Variants in VOPP1 observed in about 807,000 individuals in gnomAD.
The protein encoded by VOPP1 is WW domain binding protein VOPP1.
A neutral mutation model predicts 23.5 loss-of-function variants in VOPP1; 8 were observed. That is an observed-to-expected ratio of 0.34 (90% CI 0.20 to 0.61). The LOEUF (loss-of-function observed/expected upper bound fraction) is 0.61, where lower values mean the gene tolerates loss of function less well. Ranked by LOEUF, VOPP1 falls within the 20% of genes least tolerant of loss-of-function variation. The pLI, the probability that VOPP1 is intolerant of heterozygous loss-of-function variation, is 0.78. For missense variants in VOPP1, 174 were observed against 238.1 expected (o/e 0.73, Z 1.77); for synonymous variants, 83 against 97.3 (o/e 0.85, Z 0.86).
At chr7:55,486,875 A>C (rs1793181943) in intron 4 of VOPP1, among the ~76,000 whole-genome samples, 1 of 152,016 alleles carries the variant, frequency 6.6e-6, no homozygotes, top group Non-Finnish European at 1.5e-5. Flanking sequence ...AATGCAACAG[A>C]CCCTTACAAA....
In VOPP1 at chr7:55,522,640, C is replaced by T. The variant is rs143320389; in HGVS notation, c.55-1510G>A. On this transcript the variant is annotated intron_variant, in intron 1 of 4. Coordinates refer to ENST00000285279, the MANE Select transcript of VOPP1 (RefSeq NM_030796.5). Reference sequence around the variant, plus strand: ...AGCCAAACATTCCTGGAACCTGACACTTAAGTTCCACACAATCAAGAGGTG... The same window carrying T: ...AGCCAAACATTCCTGGAACCTGACATTTAAGTTCCACACAATCAAGAGGTG... Among the ~76,000 whole-genome samples, 3 of 152,338 alleles carry T rather than the reference C, an allele frequency of 2.0e-5. No homozygotes were observed. The East Asian group carries it at 5.8e-4, about 29-fold the overall frequency.
At chr7:55,556,371 G>C (rs1797803560) in intron 1 of VOPP1, among the ~76,000 whole-genome samples, 1 of 152,132 alleles carries the variant, frequency 6.6e-6, no homozygotes, top group Non-Finnish European at 1.5e-5. Flanking sequence ...TCCACTTCTG[G>C]ATTCCATGAG....
At chr7:55,462,320 T>C (rs1321784450) in intron 4 of VOPP1, among the ~76,000 whole-genome samples, 1 of 152,176 alleles carries the variant, frequency 6.6e-6, no homozygotes, top group East Asian at 1.9e-4. Context: ...CAAGTGATAA[T>C]ATACCTTGGG....
intron 4 of VOPP1, among the ~76,000 whole-genome samples, chr7:55,448,753 G>C (rs1476974043): frequency 6.6e-6 from 1 of 152,254 alleles, no homozygotes; most frequent in Non-Finnish European, 1.5e-5. Context: ...CGCGGCCCCA[G>C]CTCGCTGCCA....
intron 4 of VOPP1, among the ~76,000 whole-genome samples, chr7:55,442,740 G>A (rs977352009): frequency 7.9e-5 from 12 of 152,252 alleles, no homozygotes; most frequent in African/African-American, 2.9e-4. Flanking sequence ...GGAACATGCT[G>A]GAAAATACCA....
chr7:55,554,348 T>C (rs548018757), intron 1 of VOPP1, among the ~76,000 whole-genome samples: 7 of 152,254 alleles, frequency 4.6e-5, no homozygotes, highest in African/African-American at 1.7e-4. Context: ...GGGAACTAAC[T>C]TGAGGGTGGC....
intron 1 of VOPP1, among the ~76,000 whole-genome samples, chr7:55,538,877 G>C (rs1224405239): frequency 6.6e-6 from 1 of 151,348 alleles, no homozygotes; most frequent in African/African-American, 2.4e-5. Context: ...GATCCCATCT[G>C]TGTACTTTTA....
chr7:55,544,660 T>C (rs1385435834), intron 1 of VOPP1, among the ~76,000 whole-genome samples: 3 of 152,222 alleles, frequency 2.0e-5, no homozygotes, highest in Non-Finnish European at 4.4e-5. Context: ...CTGACGAATG[T>C]AATCTAACAT....
chr7:55,440,275 G>A (rs761704569), intron 4 of VOPP1, among the ~76,000 whole-genome samples: 17 of 152,212 alleles, frequency 1.1e-4, no homozygotes, highest in Admixed American at 6.5e-4. Flanking sequence ...TGTCTGTGAA[G>A]CATGATCTGG....
chr7:55,549,621 C>T (rs1164188064), intron 1 of VOPP1, among the ~76,000 whole-genome samples: 1 of 152,186 alleles, frequency 6.6e-6, no homozygotes, highest in Non-Finnish European at 1.5e-5. Context: ...CTCTGCAGTG[C>T]GACCAGCCGT....
At chr7:55,465,215 G>C (rs1289465889) in intron 4 of VOPP1, among the ~76,000 whole-genome samples, 1 of 152,194 alleles carries the variant, frequency 6.6e-6, no homozygotes, top group African/African-American at 2.4e-5. Context: ...CTTCTCTCTG[G>C]ATGTACAAAA....
At chr7:55,466,343 G>C (rs562847760), downstream of VOPP1, among the ~76,000 whole-genome samples, 1 of 152,342 alleles carries the variant, frequency 6.6e-6, no homozygotes, top group African/African-American at 2.4e-5. Flanking sequence ...CATAGTGCAA[G>C]TCAGAAAACT....
chr7:55,565,276 ACT>A (rs1798127839), intron 1 of VOPP1, among the ~76,000 whole-genome samples: 1 of 152,066 alleles, frequency 6.6e-6, no homozygotes. Flanking sequence ...CGCATTCTAG[ACT>A]CTCATTTGTT....
intron 2 of VOPP1, among the ~76,000 whole-genome samples, chr7:55,513,859 T>C (rs1204988836): frequency 1.3e-5 from 2 of 152,228 alleles, no homozygotes; most frequent in Non-Finnish European, 2.9e-5. Flanking sequence ...CCACCCTCAA[T>C]TTTCTGGGGG....
chr7:55,545,627 C>T (rs1797333398), intron 1 of VOPP1, among the ~76,000 whole-genome samples: 1 of 152,178 alleles, frequency 6.6e-6, no homozygotes, highest in Admixed American at 6.5e-5. Context: ...TCACAGCTTG[C>T]GGGCCACACT....
chr7:55,490,355 G>A (rs1793478898), intron 4 of VOPP1, among the ~76,000 whole-genome samples: 1 of 152,088 alleles, frequency 6.6e-6, no homozygotes, highest in Non-Finnish European at 1.5e-5. Context: ...GGGGTGTGGG[G>A]CTGTGCAGAA....
chr7:55,495,386 C>G (rs1793881374), intron 3 of VOPP1, among the ~76,000 whole-genome samples: 1 of 152,148 alleles, frequency 6.6e-6, no homozygotes, highest in African/African-American at 2.4e-5. Flanking sequence ...GTTGTGGGGC[C>G]CAGGCAGCAG....
chr7:55,530,876 C>T (rs1248469838), intron 1 of VOPP1: 1 of 152,194 alleles, frequency 6.6e-6, no homozygotes, highest in East Asian at 1.9e-4. Flanking sequence ...AAATCAAACA[C>T]AAGTGTGTCC....
At chr7:55,539,572 G>A (rs764295206) in intron 1 of VOPP1, 2 of 152,080 alleles carry the variant, frequency 1.3e-5, no homozygotes, top group African/African-American at 2.4e-5. Flanking sequence ...CAAAACTAAT[G>A]AGCTGTTAAA....
Sources: gnomAD v4.1 joint callset for allele counts (sites outside exome capture counted in the v4.1 genomes callset) on GRCh38, gnomAD v4.1.1 for gene constraint, MANE v1.5 for transcripts, NCBI Gene and HGNC (gene_info 2026-07-23, HGNC 2026-07-21) for gene names.